Variants in TRIO observed in about 807,000 individuals in gnomAD.
The protein encoded by TRIO is triple functional domain protein.
A neutral mutation model predicts 351.9 loss-of-function variants in TRIO; 58 were observed. The observed-to-expected ratio is 0.16, with a 90% CI of 0.13 to 0.21. TRIO has a LOEUF of 0.21. Among genes scored for constraint, TRIO ranks in the 10% least tolerant of loss-of-function variants. The probability of loss-of-function intolerance (pLI) is 1.00; values close to 1 mark genes in which losing one functional copy is unlikely to be tolerated. For missense variants in TRIO, 3,201 were observed against 4,027.8 expected, an observed-to-expected ratio of 0.79 and a Z score of 5.56; for synonymous variants, 1,758 against 1,595.7, an observed-to-expected ratio of 1.10 and a Z score of -2.42.
intron 19 of TRIO, among the ~76,000 whole-genome samples, chr5:14,377,572 C>T (rs1270354092): frequency 6.6e-6 from 1 of 151,662 alleles, no homozygotes; most frequent in African/African-American, 2.4e-5. Context: ...TTTTTTAATC[C>T]ACCCTTGTTG....
At chr5:14,495,621 C>A (rs1387634070) in intron 49 of TRIO, among the ~76,000 whole-genome samples, 1 of 128,458 alleles carries the variant, frequency 7.8e-6, no homozygotes, top group South Asian at 2.5e-4. Context: ...GAGTTCACAA[C>A]CAGCCTGGCC....
chr5:14,171,235 T>C (rs1014471759), intron 1 of TRIO, among the ~76,000 whole-genome samples: 1 of 152,194 alleles, frequency 6.6e-6, no homozygotes, highest in African/African-American at 2.4e-5. Flanking sequence ...CAATGAGTTA[T>C]TACATTGTTA....
intron 1 of TRIO, among the ~76,000 whole-genome samples, chr5:14,268,134 A>G (rs555633024): frequency 1.1e-4 from 16 of 152,344 alleles, no homozygotes; most frequent in African/African-American, 3.8e-4. Context: ...TAACATAACT[A>G]CAGCTCTGAG....
intron 34 of TRIO, among the ~76,000 whole-genome samples, chr5:14,426,253 C>T (rs1750632274): frequency 6.6e-6 from 1 of 152,218 alleles, no homozygotes; most frequent in South Asian, 2.1e-4. Flanking sequence ...CACACACGCA[C>T]ACCTATACAC....
chr5:14,383,569 A>C, intron 21 of TRIO, among the ~76,000 whole-genome samples: 1 of 152,256 alleles, frequency 6.6e-6, no homozygotes, highest in Non-Finnish European at 1.5e-5. Flanking sequence ...GTATTTTATA[A>C]GAAATGTCTA....
At chr5:14,349,951 C>A (rs1419519412) in intron 11 of TRIO, among the ~76,000 whole-genome samples, 1 of 152,196 alleles carries the variant, frequency 6.6e-6, no homozygotes, top group African/African-American at 2.4e-5. Flanking sequence ...CTGTTTAGCT[C>A]CCACTTGTAA....
At chr5:14,354,746 T>G (rs1402999405) in intron 11 of TRIO, among the ~76,000 whole-genome samples, 1 of 152,202 alleles carries the variant, frequency 6.6e-6, no homozygotes. Flanking sequence ...AGTAATAAGC[T>G]AACTATGCAG....
intron 1 of TRIO, among the ~76,000 whole-genome samples, chr5:14,170,029 G>GA (rs1278683682): frequency 4.6e-5 from 7 of 152,206 alleles, no homozygotes; most frequent in African/African-American, 1.7e-4. Flanking sequence ...GAGGGAGAGG[G>GA]AAAAGGTGAA....
chr5:14,452,870 G>C (rs1752938730), intron 34 of TRIO, among the ~76,000 whole-genome samples: 1 of 151,850 alleles, frequency 6.6e-6, no homozygotes, highest in Non-Finnish European at 1.5e-5. Flanking sequence ...GCAGGATATG[G>C]TCCTTTCCCT....
At chr5:14,331,618 T>G (rs923466144) in intron 10 of TRIO, among the ~76,000 whole-genome samples, 1 of 152,140 alleles carries the variant, frequency 6.6e-6, no homozygotes, top group Non-Finnish European at 1.5e-5. Flanking sequence ...ACCTCATGTT[T>G]AGGTGGTGGA....
intron 18 of TRIO, among the ~76,000 whole-genome samples, chr5:14,373,005 A>G (rs1436527311): frequency 6.6e-6 from 1 of 152,178 alleles, no homozygotes; most frequent in Non-Finnish European, 1.5e-5. Context: ...GGGGAAGCAA[A>G]CACGTCCTTC....
At chr5:14,155,448 G>A (rs1199132005) in intron 1 of TRIO, among the ~76,000 whole-genome samples, 1 of 152,092 alleles carries the variant, frequency 6.6e-6, no homozygotes, top group Non-Finnish European at 1.5e-5. Flanking sequence ...TTTACCAATT[G>A]TCTCAGGATT....
chr5:14,289,677 G>A (rs1054710491), intron 4 of TRIO, among the ~76,000 whole-genome samples: 1 of 151,682 alleles, frequency 6.6e-6, no homozygotes, highest in African/African-American at 2.4e-5. Flanking sequence ...GTGAAACCCC[G>A]TCTCTACTAA....
At chr5:14,245,392 A>G (rs1450492267) in intron 1 of TRIO, among the ~76,000 whole-genome samples, 2 of 152,226 alleles carry the variant, frequency 1.3e-5, no homozygotes, top group South Asian at 2.1e-4. Context: ...TCTTTCTGCA[A>G]CCACAAAGTT....
intron 11 of TRIO, among the ~76,000 whole-genome samples, chr5:14,345,741 C>T (rs924765402): frequency 2.6e-5 from 4 of 152,130 alleles, no homozygotes; most frequent in Admixed American, 2.0e-4. Flanking sequence ...GGTTTCACCA[C>T]GTTGGCCAGG....
chr5:14,207,798 T>C (rs1020893298), intron 1 of TRIO, among the ~76,000 whole-genome samples: 2 of 152,016 alleles, frequency 1.3e-5, no homozygotes, highest in African/African-American at 4.8e-5. Context: ...GGATTTTTAA[T>C]CCAGAATATA....
At chr5:14,214,787 G>A (rs1438780652) in intron 1 of TRIO, among the ~76,000 whole-genome samples, 1 of 152,196 alleles carries the variant, frequency 6.6e-6, no homozygotes, top group East Asian at 1.9e-4. Context: ...GTGTACGTGT[G>A]TAGACAAGTG....
Position 14,364,760 on chromosome 5 carries a change from C to G in TRIO, c.2698C>G (p.Arg900Gly), listed in dbSNP as rs1744450456. The change falls in exon 15 of 57, where the codon CGG becomes GGG. Residue 900 changes from arginine to glycine, a missense_variant. This residue lies in a region of TRIO where 363 missense variants were observed against 553.5 expected (regional missense o/e 0.66). Coordinates refer to ENST00000344204, the MANE Select transcript of TRIO (RefSeq NM_007118.4). ...QELDLAAEQH[R>G]KHLEQCVQLR... Reference sequence around the variant, plus strand: ...ATTGGATTTAGCCGCAGAGCAGCATCGGAAACACCTGGAGCAGTGCGTGCA... The same window carrying G: ...ATTGGATTTAGCCGCAGAGCAGCATGGGAAACACCTGGAGCAGTGCGTGCA... 6.2e-7 allele frequency: 1 copy of G among 1,612,366 alleles called. No homozygotes were observed. The highest frequency in any genetic ancestry group is 1.3e-5 in the African/African-American group (1 of 74,876).
At chr5:14,472,871 T>C (rs561730087) in intron 39 of TRIO, among the ~76,000 whole-genome samples, 1 of 152,246 alleles carries the variant, frequency 6.6e-6, no homozygotes, top group East Asian at 1.9e-4. Flanking sequence ...TCGCATAGTG[T>C]ATCTTGACAT....
Sources: allele counts gnomAD v4.1 joint callset (sites outside exome capture counted in the v4.1 genomes callset), GRCh38; gene constraint gnomAD v4.1.1; regional missense constraint gnomAD v4.1.1; transcripts MANE v1.5; gene names NCBI Gene and HGNC (gene_info 2026-07-23, HGNC 2026-07-21).